The following PTPRD variants were observed in gnomAD, a reference collection of about 807,000 sequenced individuals.
The protein encoded by PTPRD is protein tyrosine phosphatase receptor type D, also known as receptor-type tyrosine-protein phosphatase delta.
In PTPRD, 34 loss-of-function variants were observed where a neutral mutation model predicts 214.5. The ratio of observed to expected loss-of-function variants is 0.16; its 90% confidence interval spans 0.12 to 0.21. The LOEUF is 0.21. PTPRD is among the 10% of genes least tolerant of loss of function. The pLI, the probability that PTPRD is intolerant of heterozygous loss-of-function variation, is 1.00. For missense variants in PTPRD, 2,545 were observed against 2,398.7 expected, an observed-to-expected ratio of 1.06 and a Z score of -1.27; for synonymous variants, 1,128 against 845.7, an observed-to-expected ratio of 1.33 and a Z score of -5.79.
In PTPRD at chr9:8,924,686, A is replaced by G. The variant is rs116779491; in HGVS notation, c.-104+94011T>C. 5.2e-3 allele frequency among the ~76,000 whole-genome samples: 785 copies of G among 152,140 alleles called. 6 individuals are homozygous for G. Among genetic ancestry groups the G allele is most frequent in the African/African-American group, 0.018 (757 of 41,492 alleles). Reference sequence around the variant, plus strand: ...TACTTGCAGAACTGATCTTGTCTGTAGAAGGAAACTGTTAATGACTCTGCA... The same window carrying G: ...TACTTGCAGAACTGATCTTGTCTGTGGAAGGAAACTGTTAATGACTCTGCA... On this transcript the variant is annotated intron_variant, in intron 11 of 45. Coordinates refer to ENST00000381196, the MANE Select transcript of PTPRD (RefSeq NM_002839.4).
intron 11 of PTPRD, among the ~76,000 whole-genome samples, chr9:8,808,563 A>ATAATCCTGGT (rs1003473293): frequency 2.9e-4 from 44 of 151,636 alleles, no homozygotes; most frequent in Admixed American, 2.2e-3. Flanking sequence ...GAGACACTCA[A>ATAATCCTGGT]TAATCCTGGT....
chr9:8,865,361 C>T (rs1193752901), intron 11 of PTPRD, among the ~76,000 whole-genome samples: 45 of 152,214 alleles, frequency 3.0e-4, no homozygotes, highest in Non-Finnish European at 8.8e-5. Flanking sequence ...GATTGGAACC[C>T]AGAGCTCCTG....
At chr9:10,408,856 G>A (rs2098404552) in intron 2 of PTPRD, among the ~76,000 whole-genome samples, 1 of 151,686 alleles carries the variant, frequency 6.6e-6, no homozygotes, top group African/African-American at 2.4e-5. Flanking sequence ...AAGATACCTG[G>A]AAACTTCAGT....
intron 3 of PTPRD, among the ~76,000 whole-genome samples, chr9:10,118,252 ATATC>A (rs1239071475): frequency 2.6e-5 from 4 of 151,688 alleles, no homozygotes; most frequent in Non-Finnish European, 4.4e-5. Flanking sequence ...CCATTATCTT[ATATC>A]TATCTATAGA....
intron 8 of PTPRD, among the ~76,000 whole-genome samples, chr9:9,518,071 T>G (rs935332892): frequency 6.6e-6 from 1 of 152,114 alleles, no homozygotes. Flanking sequence ...TTTATAGTTG[T>G]GAAGTAGGAA....
At chr9:8,664,123 T>A (rs139549136) in intron 12 of PTPRD, among the ~76,000 whole-genome samples, 1 of 152,140 alleles carries the variant, frequency 6.6e-6, no homozygotes, top group South Asian at 2.1e-4. Context: ...GCAAAACCAA[T>A]TGGCTCTTCA....
At position 8,919,960 on chromosome 9, in the gene PTPRD, G is replaced by A. The variant is rs139964659; in HGVS notation, c.-104+98737C>T. 3.5e-3 allele frequency among the ~76,000 whole-genome samples: 518 copies of A among 146,126 alleles called. 1 individual carries two copies. Among genetic ancestry groups the A allele is most frequent in the Admixed American group, 4.5e-3 (66 of 14,546 alleles). ...TATGCATGTACACATGTATGTATAC[G>A]TGTGTATGCATGTATTGTCTTGTTA... is the stretch of plus-strand genomic sequence containing the variant. On this transcript the variant is annotated intron_variant, in intron 11 of 45. Transcript: ENST00000381196.
intron 9 of PTPRD, among the ~76,000 whole-genome samples, chr9:9,338,032 G>A (rs1013680982): frequency 6.6e-6 from 1 of 152,144 alleles, no homozygotes; most frequent in East Asian, 1.9e-4. Context: ...TATTTATTCA[G>A]AAGACTTTTT....
intron 11 of PTPRD, among the ~76,000 whole-genome samples, chr9:8,854,877 A>G (rs2097885871): frequency 6.6e-6 from 1 of 152,316 alleles, no homozygotes; most frequent in East Asian, 1.9e-4. Context: ...TTATCAGTCC[A>G]ATAAAGAAAA....
chr9:9,430,448 A>G (rs534270865), intron 8 of PTPRD, among the ~76,000 whole-genome samples: 1 of 152,202 alleles, frequency 6.6e-6, no homozygotes, highest in Non-Finnish European at 1.5e-5. Context: ...GGACAGGAAG[A>G]ATCAATATCA....
intron 11 of PTPRD, among the ~76,000 whole-genome samples, chr9:8,988,101 G>C (rs187772545): frequency 1.3e-5 from 2 of 152,084 alleles, no homozygotes; most frequent in South Asian, 2.1e-4. Context: ...AATAGTACAG[G>C]TATATGACAG....
intron 9 of PTPRD, among the ~76,000 whole-genome samples, chr9:9,189,587 C>A (rs1466426848): frequency 6.6e-6 from 1 of 151,936 alleles, no homozygotes; most frequent in Non-Finnish European, 1.5e-5. Context: ...ATAATGATTT[C>A]TATTTTATAA....
At chr9:8,480,319 A>G (rs2135525920) in intron 30 of PTPRD, among the ~76,000 whole-genome samples, 1 of 152,202 alleles carries the variant, frequency 6.6e-6, no homozygotes, top group Non-Finnish European at 1.5e-5. Flanking sequence ...TCACTTTTTA[A>G]GCCTCAGCTT....
In PTPRD at chr9:9,867,152, T is replaced by C. The variant is rs1041297701; in HGVS notation, c.-368+71355A>G. 2.6e-5 allele frequency among the ~76,000 whole-genome samples: 4 copies of C among 152,184 alleles called. No homozygotes were observed. In the East Asian group the frequency reaches 7.7e-4, roughly 29 times the overall value. On this transcript the variant is annotated intron_variant, in intron 5 of 45. Coordinates refer to ENST00000381196, the MANE Select transcript of PTPRD (RefSeq NM_002839.4). ...AAGGAGTCAATATTATTGTATATTTTTCCCTAAAGCTTAACTGGTAAGGAT... is the reference window on the plus strand; with the variant it reads ...AAGGAGTCAATATTATTGTATATTTCTCCCTAAAGCTTAACTGGTAAGGAT...
intron 3 of PTPRD, among the ~76,000 whole-genome samples, chr9:10,132,092 A>G (rs1464029849): frequency 1.3e-5 from 2 of 152,124 alleles, no homozygotes; most frequent in Non-Finnish European, 2.9e-5. Context: ...CATCACTGAG[A>G]TAGTTTCTAT....
intron 11 of PTPRD, among the ~76,000 whole-genome samples, chr9:8,968,491 T>G (rs1391638647): frequency 6.6e-6 from 1 of 152,088 alleles, no homozygotes; most frequent in Non-Finnish European, 1.5e-5. Flanking sequence ...TGATTTGCAT[T>G]TCTCTGATCG....
At chr9:9,554,989 G>C (rs2081169820) in intron 8 of PTPRD, among the ~76,000 whole-genome samples, 1 of 151,862 alleles carries the variant, frequency 6.6e-6, no homozygotes, top group African/African-American at 2.4e-5. Context: ...TTTGTCTAAT[G>C]GGTTAGAATT....
rs183039273 is a variant in PTPRD, at chr9:10,118,145, A to G, written c.-544-84355T>C. 1.2e-4 allele frequency among the ~76,000 whole-genome samples: 18 copies of G among 152,110 alleles called. No individual in the cohort carries two copies. The East Asian group carries it at 1.9e-3, about 16-fold the overall frequency. On this transcript the variant is annotated intron_variant, in intron 3 of 45. Coordinates refer to ENST00000381196, the MANE Select transcript of PTPRD (RefSeq NM_002839.4). ...TTGCAATGGCCATGATAAGGGAAGC[A>G]TTAAATTAGAGTGTAATTGCTCAAT... is the stretch of plus-strand genomic sequence containing the variant.
intron 2 of PTPRD, among the ~76,000 whole-genome samples, chr9:10,565,339 T>A (rs571556601): frequency 3.3e-5 from 5 of 152,230 alleles, no homozygotes; most frequent in African/African-American, 1.2e-4. Context: ...ACTGTATAAA[T>A]ATTCCTTGGT....
Sources: gnomAD v4.1 joint callset for allele counts (sites outside exome capture counted in the v4.1 genomes callset) on GRCh38, gnomAD v4.1.1 for gene constraint, MANE v1.5 for transcripts, NCBI Gene and HGNC (gene_info 2026-07-23, HGNC 2026-07-21) for gene names.